The following CD109 variants were observed in gnomAD, a reference collection of about 807,000 sequenced individuals.
The protein encoded by CD109 is CD109 molecule, also known as CD109 antigen.
CD109 carries 149 observed loss-of-function variants against 165.8 expected under a neutral mutation model. That is an observed-to-expected ratio of 0.90 (90% CI 0.79 to 1.03). CD109 has a LOEUF of 1.03. CD109 is among the 50% of genes least tolerant of loss of function. The pLI is 0.00. For synonymous variants in CD109, 585 were observed against 592.1 expected, an observed-to-expected ratio of 0.99 and a Z score of 0.18; for missense variants, 1,712 against 1,677.8, an observed-to-expected ratio of 1.02 and a Z score of -0.36.
chr6:73,817,655 C>G (rs1239182291), intron 30 of CD109, among the ~76,000 whole-genome samples: 1 of 152,178 alleles, frequency 6.6e-6, no homozygotes, highest in African/African-American at 2.4e-5. Context: ...TGGGCTCCTT[C>G]TGCTCTAAAT....
At chr6:73,783,662 C>A in intron 18 of CD109, 45 bp from the exon 19 acceptor site, 1 of 1,091,186 alleles carries the variant, frequency 9.2e-7, no homozygotes, top group South Asian at 1.3e-5. Context: ...CAAAATGTAT[C>A]AGTTCTTGGT....
the CD109 span, among the ~76,000 whole-genome samples, chr6:73,686,505 G>A: frequency 6.6e-6 from 1 of 152,116 alleles, no homozygotes. Flanking sequence ...TTCTTAGGTG[G>A]TGCTTTGTTC....
chr6:73,778,663 T>G lies in CD109; in HGVS notation c.1828-1761T>G, dbSNP rs1178096799. Among the ~76,000 whole-genome samples the G allele has an allele frequency of 2.6e-5, 4 of 152,312 alleles. No homozygotes were observed. The East Asian group carries it at 7.7e-4, about 29-fold the overall frequency. On this transcript the variant is annotated intron_variant, in intron 15 of 32. Coordinates refer to ENST00000287097, the MANE Select transcript of CD109 (RefSeq NM_133493.5). ...CAGCTTCTTGACACATTATGAATTT[T>G]TTTTCTTATTTTATTGTTTTCTTAT...
At chr6:73,807,119 AGGTAGGTCTTAATG>A (rs1212201335) in intron 25 of CD109, 47 bp downstream of exon 25, 1 of 1,457,644 alleles carries the variant, frequency 6.9e-7, no homozygotes, top group East Asian at 2.3e-5. Context: ...AATTCAAGGA[AGGTAGGTCTTAATG>A]GGTCAAATAT....
At chr6:73,723,738 CT>C (rs1314229768) in intron 3 of CD109, among the ~76,000 whole-genome samples, 1 of 152,012 alleles carries the variant, frequency 6.6e-6, no homozygotes, top group African/African-American at 2.4e-5. Context: ...CTGGGGCCTA[CT>C]GGAGGGTAGA....
Position 73,827,553 on chromosome 6 carries a change from G to C in CD109, c.*3920G>C, listed in dbSNP as rs1776314922. 1 of 152,094 alleles carries C rather than the reference G, an allele frequency of 6.6e-6. No homozygotes were observed. Among genetic ancestry groups the C allele is most frequent in the African/African-American group, 2.4e-5 (1 of 41,410 alleles). 9.4% of individuals were successfully genotyped at this position (152,094 alleles called of 1,614,324 possible). A position where few individuals can be genotyped will look rare whatever the true frequency, so the allele number is the denominator to read the frequency against. ...ATTATTTTTATTACTACTTTGAATA[G>C]AGGACCATTATCCTTCTTTCTTCAG... On this transcript the variant is annotated 3_prime_UTR_variant, in exon 33 of 33. Coordinates refer to ENST00000287097, the MANE Select transcript of CD109 (RefSeq NM_133493.5).
intron 22 of CD109, among the ~76,000 whole-genome samples, chr6:73,791,102 G>T (rs1230137911): frequency 7.4e-6 from 1 of 135,882 alleles, no homozygotes; most frequent in Admixed American, 7.8e-5. Flanking sequence ...CATAGGCAGA[G>T]GACTTTATTT....
the CD109 span, among the ~76,000 whole-genome samples, chr6:73,688,761 GTTT>G: frequency 0.031 from 2,241 of 73,252 alleles, 19 homozygotes; most frequent in Admixed American, 0.11. Flanking sequence ...GTTTTTCTTT[GTTT>G]TTTTTTTTTT....
intron 5 of CD109, among the ~76,000 whole-genome samples, chr6:73,753,304 G>T (rs1286887105): frequency 6.6e-6 from 1 of 152,094 alleles, no homozygotes; most frequent in Non-Finnish European, 1.5e-5. Flanking sequence ...CAGTATCAGT[G>T]TTTTTGTGGT....
At chr6:73,682,008 G>T in the CD109 span, among the ~76,000 whole-genome samples, 1 of 152,062 alleles carries the variant, frequency 6.6e-6, no homozygotes, top group Non-Finnish European at 1.5e-5. Flanking sequence ...CCTCCTACCA[G>T]GACTCTCCCA....
rs201844053 is a variant in CD109 at position 73,762,847 on chromosome 6, T to C, written c.962T>C (p.Val321Ala). 24 of 1,612,218 alleles carry C rather than the reference T, an allele frequency of 1.5e-5. No individual in the cohort carries two copies. Among genetic ancestry groups the C allele is most frequent in the South Asian group, 7.7e-5 (7 of 90,606 alleles). The change falls in exon 9 of 33, where the codon GTA becomes GCA. Residue 321 changes from valine to alanine, a missense_variant. By Grantham distance (64) the Val-to-Ala change is moderately conservative. Coordinates refer to ENST00000287097, the MANE Select transcript of CD109 (RefSeq NM_133493.5). ...CTGGATCTATCTTCCCCTGGACCAG[T>C]AGAAATTTTAACCACAGTGACAGAA... ...EYLDLSSPGP[V>A]EILTTVTESV...
Position 73,697,592 on chromosome 6 carries a change from G to T in CD109, c.247+20G>T. On this transcript the variant is annotated intron_variant, in intron 2 of 32. Coordinates refer to ENST00000287097, the MANE Select transcript of CD109 (RefSeq NM_133493.5). ...AAAAAGGTAAGATAAACAGCATAAA[G>T]TCTTACCCTTCTGCAGTAATAACTG... is the stretch of plus-strand genomic sequence containing the variant. 4 of 1,603,174 alleles carry T rather than the reference G, an allele frequency of 2.5e-6. No homozygotes were observed. Among genetic ancestry groups the T allele is most frequent in the Non-Finnish European group, 3.4e-6 (4 of 1,171,362 alleles).
intron 5 of CD109, among the ~76,000 whole-genome samples, chr6:73,748,903 T>C (rs945443005): frequency 1.3e-5 from 2 of 152,252 alleles, no homozygotes; most frequent in Admixed American, 1.3e-4. Flanking sequence ...GTACATCAGC[T>C]GACACTTTTA....
At chr6:73,756,827 T>G in intron 6 of CD109, 145 bp downstream of exon 6, 1 of 491,600 alleles carries the variant, frequency 2.0e-6, no homozygotes, top group Non-Finnish European at 3.4e-6. Flanking sequence ...CTAACCATAT[T>G]TTTTTTCCTT....
rs1775778056 is a variant in CD109 at position 73,812,132 on chromosome 6, G to A, written c.3703-73G>A. 6.5e-6 allele frequency: 6 copies of A among 928,700 alleles called. No homozygotes were observed. The East Asian group carries it at 7.3e-5, about 11-fold the overall frequency. The allele number at this position is 928,700 out of a possible 1,614,324, so 57.5% of individuals were successfully genotyped here. A position where few individuals can be genotyped will look rare whatever the true frequency, so the allele number is the denominator to read the frequency against. On this transcript the variant is annotated intron_variant, in intron 28 of 32. Coordinates refer to ENST00000287097, the MANE Select transcript of CD109 (RefSeq NM_133493.5). ...TCTTTTCCTAATGAGGGATAGGACT[G>A]ATCTGTTTTGCTACTTGGAAGGATC...
At chr6:73,758,893 C>G (rs1773503051) in intron 6 of CD109, 51 bp from the exon 7 acceptor site, 2 of 932,474 alleles carry the variant, frequency 2.1e-6, no homozygotes, top group Non-Finnish European at 3.5e-6. Context: ...TTTACCCTTG[C>G]TTCTTCGTCT....
intron 2 of CD109, among the ~76,000 whole-genome samples, chr6:73,713,501 C>A (rs1158515715): frequency 6.6e-6 from 1 of 152,056 alleles, no homozygotes; most frequent in East Asian, 1.9e-4. Flanking sequence ...GATCCTTCTG[C>A]CTCAGCCCTC....
chr6:73,684,402 G>A, the CD109 span, among the ~76,000 whole-genome samples: 1 of 151,460 alleles, frequency 6.6e-6, no homozygotes, highest in Non-Finnish European at 1.5e-5. Flanking sequence ...GTATTTTTTT[G>A]GGGAGATGAG....
At chr6:73,761,658 T>C (rs2150222795) in intron 7 of CD109, among the ~76,000 whole-genome samples, 1 of 151,806 alleles carries the variant, frequency 6.6e-6, no homozygotes, top group Non-Finnish European at 1.5e-5. Context: ...GTAGCTGGGA[T>C]TACAGGCACC....
Sources: gnomAD v4.1 joint callset for allele counts (sites outside exome capture counted in the v4.1 genomes callset) on GRCh38, gnomAD v4.1.1 for gene constraint, MANE v1.5 for transcripts, NCBI Gene and HGNC (gene_info 2026-07-23, HGNC 2026-07-21) for gene names.